NAA25: variants seen among roughly 807,000 people sequenced by gnomAD.
The protein encoded by NAA25 is N-alpha-acetyltransferase 25, NatB auxiliary subunit.
NAA25 carries 30 observed loss-of-function variants against 132.5 expected under a neutral mutation model. That is an observed-to-expected ratio of 0.23 (90% CI 0.17 to 0.31). The LOEUF is 0.31. Ranked by LOEUF, NAA25 falls within the 10% of genes least tolerant of loss-of-function variation. The probability of loss-of-function intolerance (pLI) is 1.00; values close to 1 mark genes in which losing one functional copy is unlikely to be tolerated. For missense variants in NAA25, 771 were observed against 1,150.4 expected (o/e 0.67, Z 4.77); for synonymous variants, 359 against 401.9 (o/e 0.89, Z 1.28).
At chr12:112,103,243 TC>T (rs2079320327) in intron 1 of NAA25, among the ~76,000 whole-genome samples, 1 of 152,180 alleles carries the variant, frequency 6.6e-6, no homozygotes, top group African/African-American at 2.4e-5. Flanking sequence ...CACCTCGGCC[TC>T]CCAAAGTGCT....
intron 1 of NAA25, among the ~76,000 whole-genome samples, chr12:112,094,174 G>A (rs540383590): frequency 2.0e-5 from 3 of 148,398 alleles, no homozygotes; most frequent in African/African-American, 5.0e-5. Flanking sequence ...CCAGGAGGCG[G>A]AGCTTACAGT....
Position 112,027,623 on chromosome 12 carries a change from C to T in NAA25, c.*1908G>A, listed in dbSNP as rs1490784071. 2 of 152,260 alleles carry T rather than the reference C, an allele frequency of 1.3e-5. No homozygotes were observed. Among genetic ancestry groups the T allele is most frequent in the Non-Finnish European group, 2.9e-5 (2 of 68,042 alleles). The allele number at this position is 152,260 out of a possible 1,614,324, so 9.4% of individuals were successfully genotyped here. A position where few individuals can be genotyped will look rare whatever the true frequency, so the allele number is the denominator to read the frequency against. ...CTGTCCCTGAGGACCAAGGCTAGCC[C>T]ACTGAACATACATATGCTAGATTGA... is the stretch of plus-strand genomic sequence containing the variant. On this transcript the variant is annotated 3_prime_UTR_variant, in exon 24 of 24. Transcript: ENST00000261745.
chr12:112,105,777 C>T (rs764081310), intron 1 of NAA25, among the ~76,000 whole-genome samples: 1 of 152,212 alleles, frequency 6.6e-6, no homozygotes, highest in Non-Finnish European at 1.5e-5. Flanking sequence ...GTGAGAATGT[C>T]TATGTTCAAA....
chr12:112,105,154 T>C (rs2079343812), intron 1 of NAA25, among the ~76,000 whole-genome samples: 1 of 150,732 alleles, frequency 6.6e-6, no homozygotes, highest in Admixed American at 6.6e-5. Context: ...ATGCTGTCTC[T>C]ACAAAAAATA....
chr12:112,076,987 C>T (rs963009418), intron 7 of NAA25, among the ~76,000 whole-genome samples: 3 of 151,600 alleles, frequency 2.0e-5, no homozygotes, highest in Admixed American at 6.6e-5. Flanking sequence ...CAGAGCAAGG[C>T]CCTGTCTCAA....
At chr12:112,036,032 A>C (rs977948625) in intron 22 of NAA25, among the ~76,000 whole-genome samples, 16 of 152,280 alleles carry the variant, frequency 1.1e-4, no homozygotes, top group Admixed American at 9.2e-4. Context: ...AGCAAACAAA[A>C]GACCCCCATT....
rs553702138 is a variant in NAA25, at chr12:112,083,929, A to G, written c.403-2795T>C. ...AGTTAGGAAATTCATTTTACTTGAG[A>G]ATATGGGAAAACATTTTTACAATGA... On this transcript the variant is annotated intron_variant, in intron 4 of 23. Transcript: ENST00000261745. Among the ~76,000 whole-genome samples, 6 of 152,332 alleles carry G rather than the reference A, an allele frequency of 3.9e-5. No homozygotes were observed. The East Asian group carries it at 1.2e-3, about 29-fold the overall frequency.
intron 9 of NAA25, 25 bp downstream of exon 9, chr12:112,074,650 T>C (rs1420590582): frequency 6.8e-7 from 1 of 1,480,958 alleles, no homozygotes; most frequent in African/African-American, 1.4e-5. Flanking sequence ...AGTGCTGTTA[T>C]AATTCAGGAA....
Position 112,029,584 on chromosome 12 carries a change from T to C in NAA25, c.2866A>G (p.Met956Val). 1 of 1,614,046 alleles carries C rather than the reference T, an allele frequency of 6.2e-7. No individual in the cohort carries two copies. The highest frequency in any genetic ancestry group is 1.1e-5 in the South Asian group (1 of 91,076). The part of the protein sequence containing the change: ...QSSYLHSLLE[M>V]GELLKKRLET... ...AGTCTTTTTTTCAGCAGCTCCCCCA[T>C]TTCCAGAAGTGAGTGCAGATAACTG... The change falls in exon 24 of 24, where the codon ATG becomes GTG. Residue 956 changes from methionine to valine, a missense_variant. By Grantham distance (21) the Met-to-Val change is conservative. Coordinates refer to ENST00000261745, the MANE Select transcript of NAA25 (RefSeq NM_024953.4).
At chr12:112,073,522 C>T (rs567127792) in intron 9 of NAA25, among the ~76,000 whole-genome samples, 180 of 152,170 alleles carry the variant, frequency 1.2e-3, no homozygotes, top group Non-Finnish European at 2.0e-3. Flanking sequence ...CTGCAAGCTC[C>T]GCCTCCCGGG....
At chr12:112,081,720 T>C (rs529720309) in intron 4 of NAA25, among the ~76,000 whole-genome samples, 32 of 152,232 alleles carry the variant, frequency 2.1e-4, no homozygotes, top group Non-Finnish European at 4.7e-4. Flanking sequence ...ATTGAGACTC[T>C]ATCCATAATT....
Position 112,061,099 on chromosome 12 carries a change from G to C in NAA25, c.1357+82C>G. 3 of 1,046,140 alleles carry C rather than the reference G, an allele frequency of 2.9e-6. No individual in the cohort carries two copies. The South Asian group carries it at 4.3e-5, about 15-fold the overall frequency. The allele number at this position is 1,046,140 out of a possible 1,614,324, so 64.8% of individuals were successfully genotyped here. Reference sequence around the variant, plus strand: ...CTCCTTACAAAACTCATTAAAACAGGGTGCTACAGGTGCTTAAAAAACTGC... The same window carrying C: ...CTCCTTACAAAACTCATTAAAACAGCGTGCTACAGGTGCTTAAAAAACTGC... On this transcript the variant is annotated intron_variant, in intron 12 of 23. Transcript: ENST00000261745.
At chr12:112,059,761 T>G (rs377162845) in intron 13 of NAA25, among the ~76,000 whole-genome samples, 1 of 152,098 alleles carries the variant, frequency 6.6e-6, no homozygotes, top group South Asian at 2.1e-4. Context: ...AGAACAGATA[T>G]CCATTCATTT....
intron 13 of NAA25, among the ~76,000 whole-genome samples, chr12:112,058,489 AT>A (rs1055048950): frequency 6.6e-6 from 1 of 151,980 alleles, no homozygotes; most frequent in Non-Finnish European, 1.5e-5. Context: ...CCTCTGAAGG[AT>A]TTTTTTTCTT....
In NAA25 at chr12:112,064,983, G is replaced by A. The variant is rs950059726; in HGVS notation, c.1150-3595C>T. ...CAGGAGGTGGAGGTTGCAGTGAGCCGAAATCGCGCCATTGCACTCTAGCCT... is the reference window on the plus strand; with the variant it reads ...CAGGAGGTGGAGGTTGCAGTGAGCCAAAATCGCGCCATTGCACTCTAGCCT... On this transcript the variant is annotated intron_variant, in intron 11 of 23. Coordinates refer to ENST00000261745, the MANE Select transcript of NAA25 (RefSeq NM_024953.4). Among the ~76,000 whole-genome samples, 10 of 152,010 alleles carry A rather than the reference G, an allele frequency of 6.6e-5. No individual in the cohort carries two copies. The South Asian group carries it at 1.5e-3, about 22-fold the overall frequency.
intron 15 of NAA25, among the ~76,000 whole-genome samples, chr12:112,053,235 G>A (rs993361576): frequency 6.6e-6 from 1 of 152,152 alleles, no homozygotes; most frequent in African/African-American, 2.4e-5. Flanking sequence ...GGCTATGAAC[G>A]CTTATGGACT....
intron 2 of NAA25, among the ~76,000 whole-genome samples, chr12:112,091,265 CAAT>C (rs1216877961): frequency 6.8e-6 from 1 of 146,760 alleles, no homozygotes; most frequent in East Asian, 2.0e-4. Flanking sequence ...AAAAAGTGAA[CAAT>C]AGGACTGGCA....
intron 22 of NAA25, among the ~76,000 whole-genome samples, 165 bp downstream of exon 22, chr12:112,039,064 A>T (rs1593748961): frequency 6.6e-6 from 1 of 152,220 alleles, no homozygotes; most frequent in Admixed American, 6.5e-5. Flanking sequence ...TAACGTTTTA[A>T]GAAAGTTTAC....
intron 9 of NAA25, among the ~76,000 whole-genome samples, chr12:112,072,915 G>A (rs1196660650): frequency 6.6e-6 from 1 of 151,846 alleles, no homozygotes; most frequent in Non-Finnish European, 1.5e-5. Flanking sequence ...CTCCAGACTG[G>A]GTGACAGAGC....
Sources: gnomAD v4.1 joint callset for allele counts (sites outside exome capture counted in the v4.1 genomes callset) on GRCh38, gnomAD v4.1.1 for gene constraint, MANE v1.5 for transcripts, NCBI Gene and HGNC (gene_info 2026-07-23, HGNC 2026-07-21) for gene names.